Variants in MECOM observed in about 807,000 individuals in gnomAD.
The protein encoded by MECOM is MDS1 and EVI1 complex locus.
A neutral mutation model predicts 116.3 loss-of-function variants in MECOM; 13 were observed. The observed-to-expected ratio is 0.11, with a 90% confidence interval of 0.07 to 0.18. The LOEUF (loss-of-function observed/expected upper bound fraction) is 0.18. Ranked by LOEUF, MECOM falls within the 10% of genes least tolerant of loss-of-function variation. MECOM has a pLI of 1.00. For synonymous variants in MECOM, 528 were observed against 535.2 expected (o/e 0.99, Z 0.19); for missense variants, 1,299 against 1,509.0 (o/e 0.86, Z 2.31).
chr3:169,143,963 A>C, intron 2 of MECOM, 131 bp from the exon 3 acceptor site: 3 of 1,029,152 alleles, frequency 2.9e-6, no homozygotes, highest in Non-Finnish European at 4.0e-6. Context: ...GATCACAAGC[A>C]CATTAATAGA....
intron 2 of MECOM, among the ~76,000 whole-genome samples, chr3:169,149,935 CTGTGTGTG>C (rs58944452): frequency 0.28 from 37,026 of 130,992 alleles, 5,511 homozygotes; most frequent in Middle Eastern, 0.39. Context: ...TTCTCTCTCT[CTGTGTGTG>C]TGTGTGTGTG....
At chr3:169,520,150 G>C (rs942973243) in intron 1 of MECOM, among the ~76,000 whole-genome samples, 26 of 152,216 alleles carry the variant, frequency 1.7e-4, no homozygotes, top group African/African-American at 5.3e-4. Context: ...AAAAGAACAA[G>C]ATAGAACAAG....
At chr3:169,110,591 C>T (rs1326886622) in intron 9 of MECOM, among the ~76,000 whole-genome samples, 1 of 152,138 alleles carries the variant, frequency 6.6e-6, no homozygotes, top group Non-Finnish European at 1.5e-5. Flanking sequence ...CCTGAGTGTT[C>T]CCCTGCTTCC....
At chr3:169,418,774 A>C (rs1211727420) in intron 1 of MECOM, among the ~76,000 whole-genome samples, 2 of 138,694 alleles carry the variant, frequency 1.4e-5, no homozygotes, top group Non-Finnish European at 3.2e-5. Context: ...TTTATGACAA[A>C]CCCACAGCCA....
chr3:169,351,244 T>G (rs1457635089), intron 2 of MECOM, among the ~76,000 whole-genome samples: 2 of 151,878 alleles, frequency 1.3e-5, no homozygotes, highest in East Asian at 3.9e-4. Context: ...GGACTGTGGC[T>G]AAAGATCAAA....
At chr3:169,549,158 G>A (rs976268626) in intron 1 of MECOM, among the ~76,000 whole-genome samples, 3 of 152,148 alleles carry the variant, frequency 2.0e-5, no homozygotes, top group Middle Eastern at 3.4e-3. Flanking sequence ...ATTTTTAGTA[G>A]ACAGGGTTAC....
chr3:169,257,704 C>A (rs1174872485), intron 2 of MECOM, among the ~76,000 whole-genome samples: 1 of 152,132 alleles, frequency 6.6e-6, no homozygotes, highest in Non-Finnish European at 1.5e-5. Context: ...AGTTTATCAC[C>A]TTTTTCTTTC....
chr3:169,446,916 C>T (rs1341383285), intron 1 of MECOM, among the ~76,000 whole-genome samples: 1 of 151,950 alleles, frequency 6.6e-6, no homozygotes, highest in African/African-American at 2.4e-5. Flanking sequence ...CTGCACATGC[C>T]ATTGTGGTTC....
intron 1 of MECOM, among the ~76,000 whole-genome samples, chr3:169,525,750 C>T (rs1467641724): frequency 1.3e-5 from 2 of 152,132 alleles, no homozygotes; most frequent in South Asian, 4.1e-4. Context: ...TGGATGCAGC[C>T]GGGCGTGATG....
intron 2 of MECOM, among the ~76,000 whole-genome samples, chr3:169,367,109 A>G (rs1441768184): frequency 6.6e-6 from 1 of 152,054 alleles, no homozygotes; most frequent in East Asian, 1.9e-4. Context: ...GAAAAAGACT[A>G]TATTGAATAA....
chr3:169,613,978 A>T (rs1386438367), intron 1 of MECOM, among the ~76,000 whole-genome samples: 1 of 152,136 alleles, frequency 6.6e-6, no homozygotes, highest in East Asian at 1.9e-4. Context: ...TTTTTGTTTA[A>T]TGGTGCTTGT....
intron 2 of MECOM, among the ~76,000 whole-genome samples, chr3:169,300,323 TA>T (rs1256588585): frequency 6.6e-6 from 1 of 152,228 alleles, no homozygotes; most frequent in African/African-American, 2.4e-5. Flanking sequence ...AATCATAATT[TA>T]CATACTAAGA....
chr3:169,179,028 G>T (rs542497244), intron 2 of MECOM, among the ~76,000 whole-genome samples: 24 of 152,220 alleles, frequency 1.6e-4, no homozygotes, highest in African/African-American at 5.5e-4. Context: ...AAACATAAAT[G>T]CTTTCTGAAA....
At chr3:169,272,514 T>A (rs542759283) in intron 2 of MECOM, among the ~76,000 whole-genome samples, 1 of 152,102 alleles carries the variant, frequency 6.6e-6, no homozygotes, top group Non-Finnish European at 1.5e-5. Flanking sequence ...AGAAAAAAAA[T>A]TATATATTAT....
intron 1 of MECOM, among the ~76,000 whole-genome samples, chr3:169,496,581 C>T (rs1361122577): frequency 9.2e-5 from 14 of 152,304 alleles, no homozygotes; most frequent in African/African-American, 3.4e-4. Context: ...GCTCCTTGTG[C>T]CAGTTGTTCT....
At chr3:169,418,378 A>T (rs112089840) in intron 1 of MECOM, among the ~76,000 whole-genome samples, 4,819 of 151,994 alleles carry the variant, frequency 0.032, 185 homozygotes, top group African/African-American at 0.089. Context: ...AAAAAGAGGG[A>T]CTCCTCCCTA....
intron 2 of MECOM, among the ~76,000 whole-genome samples, chr3:169,308,211 T>C (rs12629452): frequency 0.19 from 29,326 of 152,166 alleles, 4,401 homozygotes; most frequent in East Asian, 0.41. Context: ...GCTGGGCCTA[T>C]GTATTTTACT....
chr3:169,626,257 T>C (rs1282068442), intron 1 of MECOM, among the ~76,000 whole-genome samples: 3 of 152,246 alleles, frequency 2.0e-5, no homozygotes, highest in African/African-American at 7.2e-5. Context: ...TCTACTTTGA[T>C]TGACAATTGT....
chr3:169,246,999 A>C (rs1001830695), intron 2 of MECOM, among the ~76,000 whole-genome samples: 1 of 152,200 alleles, frequency 6.6e-6, no homozygotes, highest in African/African-American at 2.4e-5. Context: ...GCAATAGCCT[A>C]TTATTTAAAG....
Sources: allele counts gnomAD v4.1 joint callset (sites outside exome capture counted in the v4.1 genomes callset), GRCh38; gene constraint gnomAD v4.1.1; transcripts MANE v1.5; gene names NCBI Gene and HGNC (gene_info 2026-07-23, HGNC 2026-07-21).